Variants in ADGRL2 observed in about 807,000 individuals in gnomAD.
ADGRL2 encodes adhesion G protein-coupled receptor L2, also known as calcium-independent alpha-latrotoxin receptor 2.
ADGRL2 carries 44 observed loss-of-function variants against 157.4 expected under a neutral mutation model. That is an observed-to-expected ratio of 0.28 (90% CI 0.22 to 0.36). The LOEUF is 0.36. Ranked by LOEUF, ADGRL2 falls within the 10% of genes least tolerant of loss-of-function variation. ADGRL2 has a pLI of 1.00. For synonymous variants in ADGRL2, 585 were observed against 624.7 expected (o/e 0.94, Z 0.95); for missense variants, 1,510 against 1,768.9 (o/e 0.85, Z 2.63).
intron 2 of ADGRL2, among the ~76,000 whole-genome samples, chr1:81,570,751 A>C (rs1406000720): frequency 6.6e-6 from 1 of 152,188 alleles, no homozygotes; most frequent in Non-Finnish European, 1.5e-5. Flanking sequence ...CAAATATAGA[A>C]ACAAAATCAT....
chr1:81,676,643 C>T (rs2082996640), intron 3 of ADGRL2, among the ~76,000 whole-genome samples: 1 of 151,914 alleles, frequency 6.6e-6, no homozygotes, highest in South Asian at 2.1e-4. Context: ...TGCATGTTAC[C>T]TGGAGACTGT....
chr1:81,814,099 T>C (rs993127832), intron 1 of ADGRL2, among the ~76,000 whole-genome samples: 23 of 151,894 alleles, frequency 1.5e-4, no homozygotes, highest in Admixed American at 1.2e-3. Flanking sequence ...ATTAGGGATG[T>C]TTATGACAAG....
At chr1:81,805,757 T>G (rs1238524812) in intron 1 of ADGRL2, among the ~76,000 whole-genome samples, 1 of 150,510 alleles carries the variant, frequency 6.6e-6, no homozygotes, top group Non-Finnish European at 1.5e-5. Flanking sequence ...GCCACATTGA[T>G]GTAATTGCTA....
chr1:81,654,157 G>A (rs964875467), intron 3 of ADGRL2, among the ~76,000 whole-genome samples: 1 of 152,002 alleles, frequency 6.6e-6, no homozygotes, highest in Non-Finnish European at 1.5e-5. Flanking sequence ...CGTTGGCCAG[G>A]CTGGTCTCGA....
intron 1 of ADGRL2, among the ~76,000 whole-genome samples, chr1:81,367,528 T>C (rs1473461886): frequency 2.0e-5 from 3 of 152,170 alleles, no homozygotes; most frequent in Non-Finnish European, 4.4e-5. Context: ...GCTCCATCTA[T>C]GTCCCTGCAA....
chr1:81,657,098 G>A (rs970585868), intron 3 of ADGRL2, among the ~76,000 whole-genome samples: 1 of 151,690 alleles, frequency 6.6e-6, no homozygotes, highest in Admixed American at 6.6e-5. Flanking sequence ...GCCAGTAATA[G>A]AACAAGTTTG....
intron 1 of ADGRL2, among the ~76,000 whole-genome samples, chr1:81,375,176 A>G (rs1249666281): frequency 6.6e-6 from 1 of 152,248 alleles, no homozygotes; most frequent in East Asian, 1.9e-4. Context: ...ACCTGTCTTA[A>G]TAAGTGTATA....
In ADGRL2 at chr1:81,335,842, A is replaced by C. The variant is rs550542741; in HGVS notation, c.-302+29333A>C. On this transcript the variant is annotated intron_variant, in intron 1 of 24. Transcript: ENST00000370721. The stretch of plus-strand genomic sequence containing the variant: ...TAGGGCTATATAGTGTTTAAAAAAA[A>C]AAAAAACAAAAAACAAAAAACAAAC... Among the ~76,000 whole-genome samples, 469 of 152,102 alleles carry C rather than the reference A, an allele frequency of 3.1e-3. 1 individual carries two copies. The highest frequency in any genetic ancestry group is 8.9e-3 in the African/African-American group (368 of 41,520).
At chr1:81,649,057 T>C (rs981608171) in intron 3 of ADGRL2, among the ~76,000 whole-genome samples, 6 of 152,092 alleles carry the variant, frequency 3.9e-5, no homozygotes, top group Admixed American at 3.3e-4. Flanking sequence ...CACCAGGCAG[T>C]TAACATTCTC....
chr1:81,585,375 A>C (rs756523705), intron 3 of ADGRL2, among the ~76,000 whole-genome samples: 8 of 152,114 alleles, frequency 5.3e-5, no homozygotes, highest in Non-Finnish European at 8.8e-5. Flanking sequence ...TCTTGTTGTC[A>C]TATTCATTCT....
chr1:81,891,541 G>A (rs2094264448), intron 2 of ADGRL2, among the ~76,000 whole-genome samples: 1 of 151,978 alleles, frequency 6.6e-6, no homozygotes. Flanking sequence ...TTAAATTTTT[G>A]ATGCCTTTTT....
chr1:81,535,584 T>A (rs1333318469), intron 2 of ADGRL2, among the ~76,000 whole-genome samples: 1 of 152,068 alleles, frequency 6.6e-6, no homozygotes, highest in African/African-American at 2.4e-5. Context: ...AAAGTAACAT[T>A]GGAAGAATAA....
chr1:81,464,945 A>AAG (rs1553167373), intron 2 of ADGRL2, among the ~76,000 whole-genome samples: 31 of 151,672 alleles, frequency 2.0e-4, no homozygotes, highest in Admixed American at 1.1e-3. Flanking sequence ...AAAAAAAAAA[A>AAG]AAGAAGAAGA....
Position 81,940,936 on chromosome 1 carries a change from G to GT in ADGRL2, c.398-1085dup, listed in dbSNP as rs5775651. Among the ~76,000 whole-genome samples the GT allele has an allele frequency of 1.6e-3, 236 of 144,488 alleles. 1 individual carries two copies. Among genetic ancestry groups the GT allele is most frequent in the African/African-American group, 4.5e-3 (178 of 39,966 alleles). 94.8% of individuals were successfully genotyped at this position (144,488 alleles called of 152,430 possible). A position where few individuals can be genotyped will look rare whatever the true frequency, so the allele number is the denominator to read the frequency against. On this transcript the variant is annotated intron_variant, in intron 4 of 23. Transcript: ENST00000686636. ...TCTGTTTCTTGAAACTGTAGGAGTTGTTTTTTTTTTTTTCCTCATGTAACT... is the reference window on the plus strand; with the variant it reads ...TCTGTTTCTTGAAACTGTAGGAGTTGTTTTTTTTTTTTTTCCTCATGTAACT...
intron 2 of ADGRL2, among the ~76,000 whole-genome samples, chr1:81,532,152 G>A (rs2079615391): frequency 6.6e-6 from 1 of 152,130 alleles, no homozygotes; most frequent in South Asian, 2.1e-4. Context: ...TTCAGCGTTA[G>A]TATAAGCTTA....
At chr1:81,625,765 C>T (rs200254411) in intron 3 of ADGRL2, 1 of 152,118 alleles carries the variant, frequency 6.6e-6, no homozygotes, top group Admixed American at 6.5e-5. Context: ...AGTTGAAAAA[C>T]AAAACCGCCA....
intron 2 of ADGRL2, among the ~76,000 whole-genome samples, chr1:81,777,552 C>A (rs2086635876): frequency 6.6e-6 from 1 of 152,136 alleles, no homozygotes; most frequent in Non-Finnish European, 1.5e-5. Context: ...AGGTGAATTG[C>A]CTGACTCCAG....
At chr1:81,755,552 C>A (rs2085658550) in intron 1 of ADGRL2, among the ~76,000 whole-genome samples, 2 of 151,726 alleles carry the variant, frequency 1.3e-5, no homozygotes, top group South Asian at 4.2e-4. Context: ...GACTTGTTTT[C>A]AAAAAGTCAC....
At chr1:81,787,848 A>G (rs901695503) in intron 2 of ADGRL2, among the ~76,000 whole-genome samples, 7 of 152,158 alleles carry the variant, frequency 4.6e-5, no homozygotes, top group Non-Finnish European at 7.3e-5. Context: ...TACATATACA[A>G]CCCTTTGAAC....
Sources: gnomAD v4.1 joint callset for allele counts (sites outside exome capture counted in the v4.1 genomes callset) on GRCh38, gnomAD v4.1.1 for gene constraint, MANE v1.5 for transcripts, NCBI Gene and HGNC (gene_info 2026-07-23, HGNC 2026-07-21) for gene names.